Variants in GAPVD1 observed in about 807,000 individuals in gnomAD.
The protein encoded by GAPVD1 is GTPase-activating protein and VPS9 domain-containing protein 1.
GAPVD1 carries 35 observed loss-of-function variants against 155.5 expected under a neutral mutation model. The observed-to-expected ratio is 0.23, with a 90% CI of 0.17 to 0.30. The LOEUF is 0.30. Ranked by LOEUF, GAPVD1 falls within the 10% of genes least tolerant of loss-of-function variation. GAPVD1 has a pLI of 1.00. For missense variants in GAPVD1, 1,429 were observed against 1,775.7 expected (o/e 0.80, Z 3.51); for synonymous variants, 636 against 619.7 (o/e 1.03, Z -0.39).
At chr9:125,321,345 T>G in intron 9 of GAPVD1, 88 bp from the exon 10 acceptor site, 2 of 863,182 alleles carry the variant, frequency 2.3e-6, no homozygotes, top group Admixed American at 2.2e-5. Context: ...AATTTAAGAT[T>G]AAGGAGTTAA....
chr9:125,341,930 AGTTTT>A (rs1847896999), intron 18 of GAPVD1: 1 of 223,968 alleles, frequency 4.5e-6, no homozygotes, highest in Non-Finnish European at 8.7e-6. Flanking sequence ...TGAAGCTAGG[AGTTTT>A]GAATGTGTTT....
chr9:125,354,932 A>C, intron 24 of GAPVD1, 91 bp downstream of exon 24: 5 of 856,022 alleles, frequency 5.8e-6, no homozygotes, highest in Non-Finnish European at 9.5e-6. Context: ...AGTTTGTTCA[A>C]GTATCTGCAT....
chr9:125,317,714 A>T (rs1308947966), intron 9 of GAPVD1, among the ~76,000 whole-genome samples: 3 of 149,932 alleles, frequency 2.0e-5, no homozygotes, highest in Non-Finnish European at 3.0e-5. Context: ...CTTTAAATCA[A>T]TTTTTTTTTT....
intron 1 of GAPVD1, chr9:125,263,938 G>T (rs1833404273): frequency 2.8e-6 from 4 of 1,431,492 alleles, no homozygotes; most frequent in Admixed American, 1.7e-5. Context: ...CCTTCATGTA[G>T]CCTTGAGACT....
chr9:125,291,382 C>T (rs1223016783), intron 2 of GAPVD1, among the ~76,000 whole-genome samples: 4 of 152,004 alleles, frequency 2.6e-5, no homozygotes, highest in African/African-American at 2.4e-5. Flanking sequence ...ACTGGGATTG[C>T]GGTTTAGTCT....
At chr9:125,360,021 TA>T (rs1228282036) in intron 26 of GAPVD1, among the ~76,000 whole-genome samples, 1 of 152,234 alleles carries the variant, frequency 6.6e-6, no homozygotes, top group African/African-American at 2.4e-5. Flanking sequence ...TGAATTAGCA[TA>T]AAATTTTAAA....
At chr9:125,291,752 A>G (rs1307455061) in intron 2 of GAPVD1, among the ~76,000 whole-genome samples, 1 of 152,140 alleles carries the variant, frequency 6.6e-6, no homozygotes, top group Non-Finnish European at 1.5e-5. Context: ...AGCCTTACCT[A>G]AGAGGTCTAT....
Position 125,365,131 on chromosome 9 carries a change from T to TG in GAPVD1, c.*2386dup, listed in dbSNP as rs1167192473. 1.3e-5 allele frequency: 2 copies of TG among 152,140 alleles called. No individual in the cohort carries two copies. Among genetic ancestry groups the TG allele is most frequent in the African/African-American group, 2.4e-5 (1 of 41,376 alleles). 9.4% of individuals were successfully genotyped at this position (152,140 alleles called of 1,614,324 possible). On this transcript the variant is annotated 3_prime_UTR_variant, in exon 28 of 28. Coordinates refer to ENST00000297933, the MANE Select transcript of GAPVD1 (RefSeq NM_001282680.3). ...GCTGAGGGTAGACCCCCCAGAGATT[T>TG]GACATCTGTGACACCTGTGAAATGG...
At chr9:125,298,106 G>A (rs60639303) in intron 3 of GAPVD1, among the ~76,000 whole-genome samples, 8,085 of 152,200 alleles carry the variant, frequency 0.053, 654 homozygotes, top group African/African-American at 0.17. Flanking sequence ...GTACAAGAAA[G>A]GAAGCAGCGA....
At chr9:125,289,118 A>G (rs1838192962) in intron 2 of GAPVD1, among the ~76,000 whole-genome samples, 1 of 152,184 alleles carries the variant, frequency 6.6e-6, no homozygotes, top group Admixed American at 6.6e-5. Context: ...TTGTCTTGAA[A>G]TTATTGATAC....
Position 125,332,539 on chromosome 9 carries a change from A to T in GAPVD1, c.2338A>T (p.Asn780Tyr), listed in dbSNP as rs760352242. 2.2e-5 allele frequency: 35 copies of T among 1,607,000 alleles called. No homozygotes were observed. The highest frequency in any genetic ancestry group is 1.6e-4 in the Middle Eastern group (1 of 6,076). The change falls in exon 15 of 28, where the codon AAT becomes TAT. Residue 780 changes from asparagine to tyrosine, a missense_variant. Coordinates refer to ENST00000297933, the MANE Select transcript of GAPVD1 (RefSeq NM_001282680.3). ...AAGTGCAACCTCTGAGGATATTCCC[A>T]ATAAGATTGAAGACCTGAGATCTGA... ...GISATSEDIP[N>Y]KIEDLRSECS... is the part of the protein sequence containing the mutation.
chr9:125,318,983 C>T (rs573083102), intron 9 of GAPVD1, among the ~76,000 whole-genome samples: 4 of 152,018 alleles, frequency 2.6e-5, no homozygotes, highest in Non-Finnish European at 5.9e-5. Flanking sequence ...TGAGACCAGC[C>T]TGGCCAACAT....
intron 27 of GAPVD1, 71 bp downstream of exon 27, chr9:125,360,796 A>G: frequency 9.1e-7 from 1 of 1,095,922 alleles, no homozygotes; most frequent in Non-Finnish European, 1.4e-6. Flanking sequence ...GCTTCACACA[A>G]CCATAGATAT....
At position 125,328,137 on chromosome 9, in the gene GAPVD1, A is replaced by C. The variant is rs571908223; in HGVS notation, c.2032+1548A>C. Among the ~76,000 whole-genome samples, 15 of 151,872 alleles carry C rather than the reference A, an allele frequency of 9.9e-5. No individual in the cohort carries two copies. In the East Asian group the frequency reaches 2.9e-3, roughly 29 times the overall value. On this transcript the variant is annotated intron_variant, in intron 12 of 27. Transcript: ENST00000297933. Reference sequence around the variant, plus strand: ...TTCAGTGTTTTTAACACAGACGTATAATAATGTTTAATACTTTCGATTTGT... The same window carrying C: ...TTCAGTGTTTTTAACACAGACGTATCATAATGTTTAATACTTTCGATTTGT...
In GAPVD1 at chr9:125,337,031, G is replaced by C. The variant is rs1272897061; in HGVS notation, c.2442G>C (p.Leu814=). ...CTCCTGTTTTAGGTGCCCACCAGCT[G>C]ACCTCTCCTCCTTCTCAGTCAGAGT... ...MDEITHGAHQ[L]TSPPSQSESL... Residue 814 remains leucine, a synonymous_variant, in exon 16 of 28, where the codon CTG becomes CTC. Coordinates refer to ENST00000297933, the MANE Select transcript of GAPVD1 (RefSeq NM_001282680.3). 2.5e-6 allele frequency: 4 copies of C among 1,611,018 alleles called. No homozygotes were observed. Among genetic ancestry groups the C allele is most frequent in the Non-Finnish European group, 3.4e-6 (4 of 1,177,256 alleles).
chr9:125,354,592 A>T, intron 23 of GAPVD1, 62 bp from the exon 24 acceptor site: 1 of 1,100,944 alleles, frequency 9.1e-7, no homozygotes, highest in Middle Eastern at 2.0e-4. Context: ...TAGGACCCTT[A>T]TTCTTCAAAG....
intron 3 of GAPVD1, among the ~76,000 whole-genome samples, chr9:125,297,334 C>A (rs1246636252): frequency 6.6e-6 from 1 of 152,182 alleles, no homozygotes; most frequent in African/African-American, 2.4e-5. Context: ...GCACGATTAA[C>A]ATGCAGGTAG....
Position 125,331,919 on chromosome 9 carries a change from T to A in GAPVD1, c.2174-7T>A, listed in dbSNP as rs537323662. ...CAAATGTAACATACCTCTTATCTTC[T>A]ATTTAGAGGCCCCAGACCTAAAGCA... On this transcript the variant is annotated splice_region_variant and splice_polypyrimidine_tract_variant and intron_variant, in intron 13 of 27. Transcript: ENST00000297933. 4 of 1,613,578 alleles carry A rather than the reference T, an allele frequency of 2.5e-6. No homozygotes were observed. The South Asian group carries it at 3.3e-5, about 13-fold the overall frequency.
intron 17 of GAPVD1, among the ~76,000 whole-genome samples, chr9:125,339,932 T>C (rs1369063549): frequency 6.6e-6 from 1 of 152,190 alleles, no homozygotes; most frequent in East Asian, 1.9e-4. Flanking sequence ...CCCAGGTATG[T>C]AGATGAAAAT....
Sources: allele counts gnomAD v4.1 joint callset (sites outside exome capture counted in the v4.1 genomes callset), GRCh38; gene constraint gnomAD v4.1.1; transcripts MANE v1.5; gene names NCBI Gene and HGNC (gene_info 2026-07-23, HGNC 2026-07-21).